AKAP7: variants seen among roughly 807,000 people sequenced by gnomAD.
The protein encoded by AKAP7 is A-kinase anchoring protein 7, also known as A kinase (PRKA) anchor protein 7.
Under a neutral mutation model 39.5 loss-of-function variants are expected in AKAP7, and 39 were observed. The observed-to-expected ratio is 0.99, with a 90% CI of 0.76 to 1.29. The LOEUF is 1.29. Among genes scored for constraint, AKAP7 ranks in the 50% most tolerant of loss-of-function variants. The pLI is 0.00. For synonymous variants in AKAP7, 140 were observed against 139.1 expected (o/e 1.01, Z -0.05); for missense variants, 414 against 407.7 (o/e 1.02, Z -0.13).
the AKAP7 span, among the ~76,000 whole-genome samples, chr6:131,130,400 C>T: frequency 1.3e-5 from 2 of 152,280 alleles, no homozygotes; most frequent in Middle Eastern, 3.4e-3. Context: ...TGAGTTCGAG[C>T]GATTCTCTGC....
rs904855096 is a variant in AKAP7, at chr6:131,191,185, CAT to C, written c.590-8273_590-8272del. Among the ~76,000 whole-genome samples the C allele has an allele frequency of 2.9e-4, 44 of 152,290 alleles. No homozygotes were observed. The East Asian group carries it at 3.9e-3, about 13-fold the overall frequency. On this transcript the variant is annotated intron_variant, in intron 5 of 7. Coordinates refer to ENST00000431975, the MANE Select transcript of AKAP7 (RefSeq NM_016377.4). ...AACATAGTAAGTTAGTCCATCATGA[CAT>C]ATGTAAAACCATAAGACATCGCTAA...
At chr6:131,195,602 C>G (rs1806846984) in intron 5 of AKAP7, among the ~76,000 whole-genome samples, 2 of 152,172 alleles carry the variant, frequency 1.3e-5, no homozygotes, top group South Asian at 2.1e-4. Context: ...GAAAAACTCT[C>G]TTTAGCATTT....
At chr6:131,280,760 G>C (rs1815134314) in intron 7 of AKAP7, among the ~76,000 whole-genome samples, 1 of 152,206 alleles carries the variant, frequency 6.6e-6, no homozygotes, top group Non-Finnish European at 1.5e-5. Context: ...GTCTGAAAGA[G>C]AGTGACTGGG....
chr6:131,189,956 A>T (rs1252115735), intron 5 of AKAP7, among the ~76,000 whole-genome samples: 2 of 152,220 alleles, frequency 1.3e-5, no homozygotes. Context: ...TCAATTATTC[A>T]TAAGCTTCTC....
intron 7 of AKAP7, among the ~76,000 whole-genome samples, chr6:131,278,520 T>C (rs150225504): frequency 2.6e-5 from 4 of 152,234 alleles, no homozygotes; most frequent in African/African-American, 9.6e-5. Flanking sequence ...GGGTAATTTA[T>C]AAAGAAAAGA....
intron 7 of AKAP7, among the ~76,000 whole-genome samples, chr6:131,260,623 G>T (rs1472209594): frequency 6.6e-6 from 1 of 152,100 alleles, no homozygotes; most frequent in Non-Finnish European, 1.5e-5. Context: ...GTCTGTTCAT[G>T]TCTTTTGCCC....
At chr6:131,160,467 C>T (rs1359809512) in intron 3 of AKAP7, among the ~76,000 whole-genome samples, 1 of 152,196 alleles carries the variant, frequency 6.6e-6, no homozygotes, top group Non-Finnish European at 1.5e-5. Flanking sequence ...CAGCTTTGAA[C>T]TCCTGGACTC....
chr6:131,195,871 C>A (rs1806873674), intron 5 of AKAP7, among the ~76,000 whole-genome samples: 2 of 152,058 alleles, frequency 1.3e-5, no homozygotes, highest in Admixed American at 1.3e-4. Flanking sequence ...TTTTAGGATC[C>A]TTTCTTTATT....
chr6:131,232,135 C>G (rs1342831914), intron 7 of AKAP7, among the ~76,000 whole-genome samples: 1 of 152,088 alleles, frequency 6.6e-6, no homozygotes, highest in African/African-American at 2.4e-5. Flanking sequence ...TGGTTTCAAA[C>G]CTTATGATTT....
At position 131,135,665 on chromosome 6, in the gene AKAP7, C is replaced by T. The variant is rs545729457; in HGVS notation, c.-99C>T. On this transcript the variant is annotated 5_prime_UTR_variant, in exon 1 of 8. Transcript: ENST00000431975. Reference sequence around the variant, plus strand: ...CGCACCGCCCTCAGGCCCCGAGCCCCGCCCTGGCCTCCGCCTCGGCCTCGC... The same window carrying T: ...CGCACCGCCCTCAGGCCCCGAGCCCTGCCCTGGCCTCCGCCTCGGCCTCGC... 4 of 1,034,758 alleles carry T rather than the reference C, an allele frequency of 3.9e-6. No individual in the cohort carries two copies. The East Asian group carries it at 2.7e-4, about 69-fold the overall frequency. 64.1% of individuals were successfully genotyped at this position (1,034,758 alleles called of 1,614,324 possible).
At chr6:131,175,227 G>A (rs1438471760) in intron 5 of AKAP7, among the ~76,000 whole-genome samples, 4 of 152,102 alleles carry the variant, frequency 2.6e-5, no homozygotes, top group Non-Finnish European at 5.9e-5. Flanking sequence ...GAGTCTTGCT[G>A]TCTTAGGGGT....
At chr6:131,253,147 A>T in intron 7 of AKAP7, 1 of 1,577,544 alleles carries the variant, frequency 6.3e-7, no homozygotes, top group South Asian at 1.1e-5. Flanking sequence ...CTGCTATTTT[A>T]TCCTGCTTTT....
chr6:131,240,689 T>C (rs1161286921), intron 7 of AKAP7, among the ~76,000 whole-genome samples: 4 of 152,118 alleles, frequency 2.6e-5, no homozygotes, highest in Non-Finnish European at 4.4e-5. Context: ...GCTCCATGGG[T>C]GTAGGACCCG....
chr6:131,214,519 C>T (rs912403856), intron 6 of AKAP7, among the ~76,000 whole-genome samples: 18 of 152,114 alleles, frequency 1.2e-4, no homozygotes, highest in Non-Finnish European at 5.9e-5. Context: ...AAACATAGAC[C>T]ATCTGTGCCA....
chr6:131,254,057 GTTTA>G (rs1316894670), intron 7 of AKAP7, among the ~76,000 whole-genome samples: 9 of 152,084 alleles, frequency 5.9e-5, no homozygotes, highest in Admixed American at 1.3e-4. Flanking sequence ...GCTTGTCATG[GTTTA>G]TTTATTAATT....
At chr6:131,279,425 C>T (rs776741238) in intron 7 of AKAP7, among the ~76,000 whole-genome samples, 8 of 152,130 alleles carry the variant, frequency 5.3e-5, no homozygotes, top group Admixed American at 4.6e-4. Flanking sequence ...CATGCCACCA[C>T]GCCCAGCTAA....
chr6:131,239,103 G>T (rs1031560746), intron 7 of AKAP7, among the ~76,000 whole-genome samples: 1 of 152,136 alleles, frequency 6.6e-6, no homozygotes, highest in African/African-American at 2.4e-5. Flanking sequence ...GGCAGGCCTG[G>T]TGGTGACAAA....
At chr6:131,250,454 T>C in intron 7 of AKAP7, 2 of 1,570,198 alleles carry the variant, frequency 1.3e-6, no homozygotes, top group East Asian at 4.6e-5. Context: ...CTGCCTGTGC[T>C]GCTCCGTGGA....
intron 7 of AKAP7, among the ~76,000 whole-genome samples, chr6:131,241,623 G>GTATATATACGTATATATATATA (rs1228757342): frequency 1.9e-4 from 13 of 68,572 alleles, no homozygotes; most frequent in African/African-American, 6.5e-4. Context: ...GTGTGTGTGT[G>GTATATATACGTATATATATATA]TGTGTATATA....
Sources: gnomAD v4.1 joint callset for allele counts (sites outside exome capture counted in the v4.1 genomes callset) on GRCh38, gnomAD v4.1.1 for gene constraint, MANE v1.5 for transcripts, NCBI Gene and HGNC (gene_info 2026-07-23, HGNC 2026-07-21) for gene names.